GK: variants seen among roughly 807,000 people sequenced by gnomAD.
GK encodes ATP:glycerol 3-phosphotransferase.
A neutral mutation model predicts 56.4 loss-of-function variants in GK; 9 were observed. The observed-to-expected ratio is 0.16, with a 90% CI of 0.10 to 0.28. The LOEUF is 0.28. Among genes scored for constraint, GK ranks in the 10% least tolerant of loss-of-function variants. The probability of loss-of-function intolerance (pLI) is 1.00; values close to 1 mark genes in which losing one functional copy is unlikely to be tolerated. For missense variants in GK, 161 were observed against 431.4 expected (o/e 0.37, Z 5.55); for synonymous variants, 104 against 144.1 (o/e 0.72, Z 1.99).
intron 1 of GK, among the ~76,000 whole-genome samples, 191 bp downstream of exon 1, chrX:30,653,806 A>G (rs1932029635): frequency 8.9e-6 from 1 of 112,514 alleles, no homozygotes; most frequent in Non-Finnish European, 1.9e-5. Flanking sequence ...TCGGCCTCTC[A>G]TGACCCCCAT....
chrX:30,710,861 T>C lies in GK; in HGVS notation c.975+2727T>C, dbSNP rs151022517. Among the ~76,000 whole-genome samples the C allele has an allele frequency of 4.1e-4, 46 of 111,374 alleles. No individual in the cohort carries two copies. In the East Asian group the frequency reaches 0.013, roughly 31 times the overall value. On this transcript the variant is annotated intron_variant, in intron 13 of 20. Coordinates refer to ENST00000427190, the MANE Select transcript of GK (RefSeq NM_001205019.2). ...TTAACCATATATTTTTCTAAGAGTG[T>C]ATGTCATTTTTTGGTATTTTTAATC...
intron 13 of GK, among the ~76,000 whole-genome samples, chrX:30,715,457 T>G (rs1384860298): frequency 8.9e-6 from 1 of 112,230 alleles, no homozygotes. Context: ...TCTCCCTTAG[T>G]GTACAACTAT....
rs1431787356 is a variant in GK at position 30,730,102 on chromosome X, C to G, written c.*1360C>G. On this transcript the variant is annotated 3_prime_UTR_variant, in exon 21 of 21. Transcript: ENST00000427190. The stretch of plus-strand genomic sequence containing the variant: ...GAATTTCTCAAAATATTTAATGTCA[C>G]ATATTATAAGAAGTTACCTAATCCT... 5 of 112,153 alleles carry G rather than the reference C, an allele frequency of 4.5e-5. No homozygotes were observed. The highest frequency in any genetic ancestry group is 1.9e-4 in the Admixed American group (2 of 10,525). The allele number at this position is 112,153 out of a possible 1,213,427, so 9.2% of individuals were successfully genotyped here. A position where few individuals can be genotyped will look rare whatever the true frequency, so the allele number is the denominator to read the frequency against.
chrX:30,698,879 A>AAAG (rs1555916478), intron 9 of GK, among the ~76,000 whole-genome samples: 1 of 107,641 alleles, frequency 9.3e-6, no homozygotes, highest in African/African-American at 3.3e-5. Context: ...AAAAAAAAAA[A>AAAG]AAAAAGAAAA....
chrX:30,721,600 G>C (rs920506155), intron 18 of GK: 3 of 115,062 alleles, frequency 2.6e-5, no homozygotes, highest in Non-Finnish European at 5.4e-5. Context: ...CACCGCGCCC[G>C]GCCATAGCCT....
intron 11 of GK, among the ~76,000 whole-genome samples, chrX:30,702,647 G>A (rs759267346): frequency 8.9e-6 from 1 of 112,331 alleles, no homozygotes; most frequent in South Asian, 3.7e-4. Context: ...TCATTCCTTA[G>A]CCAGGGTTCT....
At chrX:30,677,786 T>C (rs1354806264) in intron 4 of GK, among the ~76,000 whole-genome samples, 8 of 103,351 alleles carry the variant, frequency 7.7e-5, no homozygotes, top group African/African-American at 2.9e-4. Flanking sequence ...GACCTTGCCA[T>C]TGCACTCCAG....
chrX:30,671,291 C>CAAAAAAAAAA (rs56822779), intron 3 of GK, among the ~76,000 whole-genome samples: 6 of 27,310 alleles, frequency 2.2e-4, no homozygotes, highest in African/African-American at 6.5e-4. Flanking sequence ...AACTCCATCT[C>CAAAAAAAAAA]AAAAAAAAAA....
intron 13 of GK, among the ~76,000 whole-genome samples, chrX:30,712,956 G>A (rs1201480990): frequency 9.1e-6 from 1 of 110,085 alleles, no homozygotes; most frequent in African/African-American, 3.3e-5. Flanking sequence ...GGATGGTCTC[G>A]ATCTCCTGAC....
intron 19 of GK, chrX:30,724,701 A>G (rs372105640): frequency 2.1e-4 from 53 of 254,762 alleles, no homozygotes; most frequent in Non-Finnish European, 3.4e-4. Flanking sequence ...TAGATTGGGA[A>G]GTGCTCTTAG....
chrX:30,669,165 C>T (rs1490434961), intron 3 of GK, among the ~76,000 whole-genome samples: 2 of 107,725 alleles, frequency 1.9e-5, no homozygotes, highest in Non-Finnish European at 3.8e-5. Flanking sequence ...TTATGGATTT[C>T]TCTGAGAAGT....
At chrX:30,693,080 C>G (rs1291199136) in intron 5 of GK, among the ~76,000 whole-genome samples, 5 of 89,927 alleles carry the variant, frequency 5.6e-5, no homozygotes, top group Non-Finnish European at 1.0e-4. Context: ...GCAGTGGCGT[C>G]ATCTTGGCTC....
chrX:30,677,948 A>G (rs1393732070), intron 4 of GK: 1 of 535,055 alleles, frequency 1.9e-6, no homozygotes, highest in Non-Finnish European at 3.4e-6. Context: ...TGGATCATAC[A>G]TATTCACATA....
chrX:30,718,895 G>A (rs1936757182), intron 14 of GK, among the ~76,000 whole-genome samples: 1 of 112,021 alleles, frequency 8.9e-6, no homozygotes, highest in African/African-American at 3.2e-5. Context: ...CCTGCAGATA[G>A]AGAAGTTGAG....
Position 30,697,754 on chromosome X carries a change from G to A in GK, c.747+5G>A, listed in dbSNP as rs1433155686. The A allele has an allele frequency of 8.6e-7, 1 of 1,159,684 alleles. No individual in the cohort carries two copies. Among genetic ancestry groups the A allele is most frequent in the Non-Finnish European group, 1.2e-6 (1 of 848,506 alleles). ...TAGAAAATCTCTCATAGCGTGGTGA[G>A]TAGGTTGCCCGCCAATTATGTACCC... On this transcript the variant is annotated splice_donor_5th_base_variant and intron_variant, in intron 9 of 20. Coordinates refer to ENST00000427190, the MANE Select transcript of GK (RefSeq NM_001205019.2).
At chrX:30,665,475 T>G (rs2147139916) in intron 1 of GK, 36 bp from the exon 2 acceptor site, 1 of 825,797 alleles carries the variant, frequency 1.2e-6, no homozygotes, top group East Asian at 3.1e-5. Context: ...GATATCTGCC[T>G]GCATTTTTAC....
chrX:30,725,129 C>T (rs962199654), intron 19 of GK, among the ~76,000 whole-genome samples: 1 of 111,195 alleles, frequency 9.0e-6, no homozygotes, highest in Non-Finnish European at 1.9e-5. Flanking sequence ...GTGATCCGCC[C>T]GCCTTGGCTT....
intron 9 of GK, among the ~76,000 whole-genome samples, chrX:30,698,866 C>CAAAAAA (rs386416832): frequency 1.6e-4 from 7 of 43,297 alleles, no homozygotes; most frequent in Non-Finnish European, 2.7e-4. Flanking sequence ...AACTCCATCT[C>CAAAAAA]AAAAAAAAAA....
intron 13 of GK, among the ~76,000 whole-genome samples, chrX:30,709,001 A>G (rs912656884): frequency 1.8e-5 from 2 of 111,504 alleles, no homozygotes; most frequent in African/African-American, 3.3e-5. Context: ...CATAAACACT[A>G]TAATATTTCT....
Sources: allele counts gnomAD v4.1 joint callset (sites outside exome capture counted in the v4.1 genomes callset), GRCh38; gene constraint gnomAD v4.1.1; transcripts MANE v1.5; gene names NCBI Gene and HGNC (gene_info 2026-07-23, HGNC 2026-07-21).